The following PXDNL variants were observed in gnomAD, a reference collection of about 807,000 sequenced individuals.
PXDNL encodes probable oxidoreductase PXDNL.
In PXDNL, 145 loss-of-function variants were observed where a neutral mutation model predicts 150.8. That is an observed-to-expected ratio of 0.96 (90% CI 0.84 to 1.10). PXDNL has a LOEUF of 1.10. PXDNL is among the 50% of genes least tolerant of loss of function. The pLI is 0.00. For synonymous variants in PXDNL, 757 were observed against 725.7 expected (o/e 1.04, Z -0.69); for missense variants, 2,087 against 1,873.9 (o/e 1.11, Z -2.10).
At chr8:51,403,875 G>A (rs1049789923) in intron 17 of PXDNL, among the ~76,000 whole-genome samples, 5 of 152,156 alleles carry the variant, frequency 3.3e-5, no homozygotes, top group African/African-American at 7.2e-5. Context: ...GGACCCTCAC[G>A]GTGAGTGTTA....
At chr8:51,522,579 C>G (rs887644360) in intron 4 of PXDNL, among the ~76,000 whole-genome samples, 1 of 152,172 alleles carries the variant, frequency 6.6e-6, no homozygotes, top group Non-Finnish European at 1.5e-5. Flanking sequence ...GGCGGTGGCT[C>G]TCGCCTGTAA....
chr8:51,584,431 A>T (rs1327296944), intron 3 of PXDNL, among the ~76,000 whole-genome samples: 2 of 152,106 alleles, frequency 1.3e-5, no homozygotes, highest in East Asian at 3.9e-4. Context: ...TGGTATTTTC[A>T]TATTTGTGTT....
At chr8:51,757,290 T>C (rs1439544290) in intron 1 of PXDNL, among the ~76,000 whole-genome samples, 4 of 152,204 alleles carry the variant, frequency 2.6e-5, no homozygotes, top group Admixed American at 2.0e-4. Flanking sequence ...TGAATCAGAT[T>C]GTTTTCTAAA....
At chr8:51,682,694 T>C (rs1314385451) in intron 1 of PXDNL, among the ~76,000 whole-genome samples, 1 of 152,186 alleles carries the variant, frequency 6.6e-6, no homozygotes, top group African/African-American at 2.4e-5. Flanking sequence ...TATTGCTTTT[T>C]CAGTAAGAAG....
intron 8 of PXDNL, among the ~76,000 whole-genome samples, chr8:51,465,810 A>G (rs1810192950): frequency 6.6e-6 from 1 of 152,208 alleles, no homozygotes; most frequent in East Asian, 1.9e-4. Context: ...AGCCACAAAA[A>G]GAAAAAATAT....
chr8:51,481,134 G>A (rs1810595132), intron 6 of PXDNL, among the ~76,000 whole-genome samples: 1 of 152,180 alleles, frequency 6.6e-6, no homozygotes, highest in Non-Finnish European at 1.5e-5. Flanking sequence ...ACAGGCAGAT[G>A]TGGGAAAGCT....
In PXDNL at chr8:51,667,792, G is replaced by C. The variant is rs1815416462; in HGVS notation, c.165-13032C>G. On this transcript the variant is annotated intron_variant, in intron 1 of 22. Coordinates refer to ENST00000356297, the MANE Select transcript of PXDNL (RefSeq NM_144651.5). ...GGAGGGGGTTGCTTTTTCTAAATCT[G>C]TTTGCACTAGAGGCATGCTTAGAAT... Among the ~76,000 whole-genome samples, 3 of 152,194 alleles carry C rather than the reference G, an allele frequency of 2.0e-5. No homozygotes were observed. In the South Asian group the frequency reaches 6.2e-4, roughly 31 times the overall value.
rs367819359 is a variant in PXDNL at position 51,408,536 on chromosome 8, G to A, written c.3088C>T (p.Leu1030=). The change falls in exon 17 of 23, where the codon CTG becomes TTG. Residue 1030 remains leucine, a synonymous_variant. Coordinates refer to ENST00000356297, the MANE Select transcript of PXDNL (RefSeq NM_144651.5). ...GGGTTGTAGCCTCGGTAACCCCTCA[G>A]CATCCTAGTGCCAGGGTCCCCCAGG... ...KVLGDPGTRM[L]RGYRGYNPNV... is the part of the protein sequence containing the mutation. 1.8e-4 allele frequency: 293 copies of A among 1,613,174 alleles called. 2 individuals carry two copies. The East Asian group carries it at 6.1e-3, about 34-fold the overall frequency.
At chr8:51,729,025 T>C (rs778404085) in intron 1 of PXDNL, among the ~76,000 whole-genome samples, 28 of 152,230 alleles carry the variant, frequency 1.8e-4, no homozygotes, top group Non-Finnish European at 3.7e-4. Flanking sequence ...GATACATAAA[T>C]ACTTACCCTT....
intron 17 of PXDNL, among the ~76,000 whole-genome samples, chr8:51,397,896 C>A (rs754286236): frequency 1.3e-5 from 2 of 151,858 alleles, no homozygotes; most frequent in Non-Finnish European, 2.9e-5. Context: ...CTAATGCTAT[C>A]CCTCCCCCCT....
At chr8:51,806,042 G>T (rs1355209649) in intron 1 of PXDNL, among the ~76,000 whole-genome samples, 1 of 152,146 alleles carries the variant, frequency 6.6e-6, no homozygotes, top group African/African-American at 2.4e-5. Context: ...ATGGCAGCAG[G>T]CTTTTTGGTA....
chr8:51,733,522 A>C (rs971977640), intron 1 of PXDNL, among the ~76,000 whole-genome samples: 10 of 152,064 alleles, frequency 6.6e-5, no homozygotes, highest in South Asian at 4.1e-4. Context: ...TAAAGGAAAA[A>C]ACAGGCCAGG....
At chr8:51,432,669 T>A (rs116072692) in intron 12 of PXDNL, among the ~76,000 whole-genome samples, 2,039 of 152,332 alleles carry the variant, frequency 0.013, 41 homozygotes, top group African/African-American at 0.047. Context: ...GTTGCTGGCA[T>A]GTAGAACGAA....
intron 1 of PXDNL, chr8:51,721,939 T>G (rs1317861966): frequency 2.0e-5 from 5 of 249,798 alleles, no homozygotes; most frequent in Non-Finnish European, 3.3e-5. Flanking sequence ...CCTTTAGGGT[T>G]GCTAAAGTGG....
rs143067571 is a variant in PXDNL at position 51,421,112 on chromosome 8, T to A, written c.1795+2463A>T. Among the ~76,000 whole-genome samples the A allele has an allele frequency of 5.2e-3, 789 of 152,354 alleles. 9 individuals carry two copies. Among genetic ancestry groups the A allele is most frequent in the African/African-American group, 0.018 (760 of 41,592 alleles). On this transcript the variant is annotated intron_variant, in intron 14 of 22. Transcript: ENST00000356297. ...ACTGAGATTACAGTGCTTCTGTGTA[T>A]GTGGAAGAGCAAGACAGAGGGGCAA...
chr8:51,808,538 G>C (rs2037702207), intron 1 of PXDNL, among the ~76,000 whole-genome samples: 1 of 152,132 alleles, frequency 6.6e-6, no homozygotes, highest in Non-Finnish European at 1.5e-5. Flanking sequence ...TTTGAACTCA[G>C]ACCTGTTTGA....
intron 2 of PXDNL, among the ~76,000 whole-genome samples, chr8:51,643,438 G>C (rs1428619001): frequency 6.6e-6 from 1 of 152,118 alleles, no homozygotes; most frequent in Non-Finnish European, 1.5e-5. Flanking sequence ...AACAAGCAAT[G>C]GGGAAATGAT....
At chr8:51,577,951 GAA>G (rs1813099888) in intron 3 of PXDNL, among the ~76,000 whole-genome samples, 1 of 80,406 alleles carries the variant, frequency 1.2e-5, no homozygotes, top group Non-Finnish European at 2.5e-5. Flanking sequence ...AAGAAAGAAA[GAA>G]AGAAAGAAAG....
chr8:51,635,865 T>C (rs1317841170), intron 2 of PXDNL, among the ~76,000 whole-genome samples: 2 of 152,124 alleles, frequency 1.3e-5, no homozygotes, highest in Non-Finnish European at 2.9e-5. Context: ...GAGTTTAGTA[T>C]TAGCCTGCTA....
Sources: allele counts gnomAD v4.1 joint callset (sites outside exome capture counted in the v4.1 genomes callset), GRCh38; gene constraint gnomAD v4.1.1; transcripts MANE v1.5; gene names NCBI Gene and HGNC (gene_info 2026-07-23, HGNC 2026-07-21).